The following PCLO variants were observed in gnomAD, a reference collection of about 807,000 sequenced individuals.
PCLO encodes the protein protein piccolo.
PCLO carries 82 observed loss-of-function variants against 427.5 expected under a neutral mutation model. The ratio of observed to expected loss-of-function variants is 0.19; its 90% CI spans 0.16 to 0.23. The LOEUF (loss-of-function observed/expected upper bound fraction) is 0.23. PCLO is among the 10% of genes least tolerant of loss of function. The pLI, the probability that PCLO is intolerant of heterozygous loss-of-function variation, is 1.00. For synonymous variants in PCLO, 2,357 were observed against 2,155.4 expected (o/e 1.09, Z -2.59); for missense variants, 6,239 against 6,115.9 (o/e 1.02, Z -0.67).
intron 3 of PCLO, among the ~76,000 whole-genome samples, chr7:83,040,043 AATTC>A (rs2116205540): frequency 6.6e-6 from 1 of 152,230 alleles, no homozygotes; most frequent in South Asian, 2.1e-4. Flanking sequence ...CTTGCCTATT[AATTC>A]TAATCATTTT....
intron 3 of PCLO, among the ~76,000 whole-genome samples, chr7:83,086,602 A>G (rs1288054333): frequency 3.3e-5 from 5 of 152,184 alleles, no homozygotes; most frequent in Non-Finnish European, 1.5e-5. Flanking sequence ...TATCATGAGT[A>G]CGGCATTAAT....
At chr7:83,005,545 C>T (rs1034140015) in intron 3 of PCLO, among the ~76,000 whole-genome samples, 32 of 151,422 alleles carry the variant, frequency 2.1e-4, no homozygotes, top group Non-Finnish European at 4.3e-4. Context: ...CTTGAGTTTT[C>T]TAAGAGAGTA....
intron 3 of PCLO, among the ~76,000 whole-genome samples, chr7:83,040,945 A>C (rs1392250795): frequency 6.6e-6 from 1 of 152,200 alleles, no homozygotes; most frequent in Non-Finnish European, 1.5e-5. Context: ...TAAAAATAAA[A>C]AATTTTAAAA....
At chr7:82,769,250 G>C (rs1311702245) in intron 22 of PCLO, among the ~76,000 whole-genome samples, 1 of 152,136 alleles carries the variant, frequency 6.6e-6, no homozygotes, top group East Asian at 1.9e-4. Context: ...AGATGGCATA[G>C]TAAGCAACTC....
intron 1 of PCLO, among the ~76,000 whole-genome samples, chr7:83,158,550 A>C (rs1296570632): frequency 1.3e-5 from 2 of 151,868 alleles, no homozygotes; most frequent in Non-Finnish European, 1.5e-5. Flanking sequence ...AATTATACTA[A>C]ATTCTTCTCT....
At chr7:83,121,532 A>G (rs574521186) in intron 3 of PCLO, among the ~76,000 whole-genome samples, 41 of 152,270 alleles carry the variant, frequency 2.7e-4, no homozygotes, top group African/African-American at 9.1e-4. Context: ...TTTATAAATT[A>G]TAACACTGAA....
At chr7:82,893,083 A>G (rs970047555) in intron 9 of PCLO, among the ~76,000 whole-genome samples, 2 of 152,164 alleles carry the variant, frequency 1.3e-5, no homozygotes, top group Non-Finnish European at 2.9e-5. Context: ...GTATATACCC[A>G]AAGGACTATA....
In PCLO at chr7:82,755,886, T is replaced by G. The variant is rs1260300789; in HGVS notation, c.*2689A>C. The G allele has an allele frequency of 7.2e-5, 11 of 152,156 alleles. No homozygotes were observed. The highest frequency in any genetic ancestry group is 7.3e-5 in the Non-Finnish European group (5 of 68,034). The allele number at this position is 152,156 out of a possible 1,614,324, so 9.4% of individuals were successfully genotyped here. A position where few individuals can be genotyped will look rare whatever the true frequency, so the allele number is the denominator to read the frequency against. On this transcript the variant is annotated 3_prime_UTR_variant, in exon 25 of 25. Coordinates refer to ENST00000333891, the MANE Select transcript of PCLO (RefSeq NM_033026.6). The stretch of plus-strand genomic sequence containing the variant: ...CTAGAAGTTTGGTCAGCTGCAAACT[T>G]GGCACACTGGCAGGATCTTATGCTC...
Position 82,952,437 on chromosome 7 carries a change from G to A in PCLO, c.8516C>T (p.Pro2839Leu). The change falls in exon 5 of 25, where the codon CCA becomes CTA. Residue 2839 changes from proline to leucine, a missense_variant. Physicochemically the swap from Pro to Leu is moderately conservative, Grantham distance 98 (BLOSUM62 -3). This residue lies in a region of PCLO where 4,677 missense variants were observed against 4,468.4 expected (regional missense o/e 1.05). Transcript: ENST00000333891. ...AGCTATAGGAAAGACCTGGTCACTTGGTATCCTGTATGGGGGCTCAGCATG... is the reference window on the plus strand; with the variant it reads ...AGCTATAGGAAAGACCTGGTCACTTAGTATCCTGTATGGGGGCTCAGCATG... ...SKHAEPPYRI[P>L]SDQVFPIARE... The A allele has an allele frequency of 4.3e-6, 7 of 1,613,870 alleles. No homozygotes were observed. The highest frequency in any genetic ancestry group is 5.9e-6 in the Non-Finnish European group (7 of 1,179,826).
At chr7:82,912,500 G>A (rs111244332) in intron 7 of PCLO, among the ~76,000 whole-genome samples, 13 of 151,750 alleles carry the variant, frequency 8.6e-5, no homozygotes, top group African/African-American at 2.7e-4. Context: ...TAGTTTTCCT[G>A]CCCCAATTTA....
chr7:82,952,985 G>C lies in PCLO; in HGVS notation c.7968C>G (p.Pro2656=), dbSNP rs1233722004. ...QTFSATPVTA[P]SSFQAAPTSV... ...ATGTGGGAGCTGCTTGAAATGAAGAGGGTGCTGTGACAGGGGTAGCAGAAA... is the reference window on the plus strand; with the variant it reads ...ATGTGGGAGCTGCTTGAAATGAAGACGGTGCTGTGACAGGGGTAGCAGAAA... The change falls in exon 5 of 25, where the codon CCC becomes CCG. Residue 2656 remains proline, a synonymous_variant. Transcript: ENST00000333891. The C allele has an allele frequency of 1.2e-6, 2 of 1,613,794 alleles. No individual in the cohort carries two copies. The highest frequency in any genetic ancestry group is 1.7e-6 in the Non-Finnish European group (2 of 1,179,850).
intron 2 of PCLO, among the ~76,000 whole-genome samples, chr7:83,140,086 G>C (rs1388480201): frequency 6.6e-6 from 1 of 152,170 alleles, no homozygotes; most frequent in Non-Finnish European, 1.5e-5. Flanking sequence ...CTGTCAGTCA[G>C]GTCTTTCACA....
chr7:83,044,537 A>AT (rs1789058706), intron 3 of PCLO, among the ~76,000 whole-genome samples: 1 of 152,176 alleles, frequency 6.6e-6, no homozygotes, highest in African/African-American at 2.4e-5. Context: ...TACCATCAAA[A>AT]TTTTAACAGT....
intron 3 of PCLO, among the ~76,000 whole-genome samples, chr7:82,989,355 T>A (rs933252106): frequency 2.0e-5 from 3 of 152,138 alleles, no homozygotes; most frequent in Non-Finnish European, 4.4e-5. Flanking sequence ...TACCATTTTA[T>A]TAACTCTTTG....
rs761293360 is a variant in PCLO, at chr7:82,951,413, T to A, written c.9175A>T (p.Ser3059Cys). 2 of 1,597,636 alleles carry A rather than the reference T, an allele frequency of 1.3e-6. No individual in the cohort carries two copies. Among genetic ancestry groups the A allele is most frequent in the Non-Finnish European group, 1.7e-6 (2 of 1,171,278 alleles). ...CTTGCTGTGGAATACTGTGGGGTAC[T>A]AATCCCAGCTCCTGAAATGACTTGT... The part of the protein sequence containing the change: ...TRQVISGAGI[S>C]TPQYSTARMT... The change falls in exon 6 of 25, where the codon AGT becomes TGT. Residue 3059 changes from serine (S) to cysteine (C), a missense_variant. Ser to Cys is a moderately radical substitution (Grantham distance 112). This residue lies in a region of PCLO where 4,677 missense variants were observed against 4,468.4 expected (regional missense o/e 1.05). Transcript: ENST00000333891.
intron 3 of PCLO, among the ~76,000 whole-genome samples, chr7:83,056,908 A>G (rs1350651971): frequency 6.6e-6 from 1 of 151,976 alleles, no homozygotes; most frequent in Non-Finnish European, 1.5e-5. Context: ...ACAGCTTTTA[A>G]TTGTTTGGAC....
At chr7:83,002,784 CCATT>C (rs1289037876) in intron 3 of PCLO, among the ~76,000 whole-genome samples, 1 of 151,698 alleles carries the variant, frequency 6.6e-6, no homozygotes, top group Non-Finnish European at 1.5e-5. Context: ...TAAGAAGCAG[CCATT>C]CATTCATTCA....
chr7:82,958,385 C>T (rs556824313), intron 4 of PCLO, among the ~76,000 whole-genome samples: 1 of 151,050 alleles, frequency 6.6e-6, no homozygotes, highest in Non-Finnish European at 1.5e-5. Flanking sequence ...TCTCCCCATC[C>T]TTCCCTCCCT....
intron 7 of PCLO, among the ~76,000 whole-genome samples, chr7:82,912,474 T>G (rs565343451): frequency 9.9e-5 from 15 of 152,090 alleles, no homozygotes; most frequent in African/African-American, 3.4e-4. Context: ...CATATGTAAT[T>G]CATATATAAT....
Sources: allele counts gnomAD v4.1 joint callset (sites outside exome capture counted in the v4.1 genomes callset), GRCh38; gene constraint gnomAD v4.1.1; regional missense constraint gnomAD v4.1.1; transcripts MANE v1.5; gene names NCBI Gene and HGNC (gene_info 2026-07-23, HGNC 2026-07-21).